The following TSHR variants were observed in gnomAD, a reference collection of about 807,000 sequenced individuals.
TSHR encodes the protein thyroid stimulating hormone receptor.
TSHR carries 51 observed loss-of-function variants against 64.1 expected under a neutral mutation model. The observed-to-expected ratio is 0.80, with a 90% CI of 0.64 to 1.01. The LOEUF is 1.01. Among genes scored for constraint, TSHR ranks in the 50% least tolerant of loss-of-function variants. The pLI, the probability that TSHR is intolerant of heterozygous loss-of-function variation, is 0.00. For synonymous variants in TSHR, 361 were observed against 361.9 expected (o/e 1.00, Z 0.03); for missense variants, 877 against 942.8 (o/e 0.93, Z 0.91).
chr14:81,133,440 G>A (rs1891332163), intron 8 of TSHR, among the ~76,000 whole-genome samples: 1 of 152,118 alleles, frequency 6.6e-6, no homozygotes, highest in Non-Finnish European at 1.5e-5. Flanking sequence ...AGAGGTGATG[G>A]GTATGGCATG....
At chr14:81,116,046 G>A (rs1457643915) in intron 8 of TSHR, among the ~76,000 whole-genome samples, 2 of 152,040 alleles carry the variant, frequency 1.3e-5, no homozygotes, top group Admixed American at 6.6e-5. Context: ...AACATGGAAA[G>A]GAACAACCGG....
intron 1 of TSHR, among the ~76,000 whole-genome samples, chr14:81,011,223 C>CTTT (rs5810009): frequency 2.7e-4 from 40 of 150,602 alleles, no homozygotes; most frequent in South Asian, 1.3e-3. Context: ...TTTCTTCTTT[C>CTTT]TTTTTTTTTC....
chr14:80,990,913 A>C (rs28414437), intron 1 of TSHR, among the ~76,000 whole-genome samples: 59,304 of 152,024 alleles, frequency 0.39, 12,034 homozygotes, highest in East Asian at 0.62. Context: ...CCTCGGCCTC[A>C]CAAAATGCTG....
chr14:81,114,371 C>T (rs139003114), intron 8 of TSHR, among the ~76,000 whole-genome samples: 188 of 152,336 alleles, frequency 1.2e-3, no homozygotes, highest in African/African-American at 4.1e-3. Context: ...ACTCCAGAAG[C>T]GCAAGCGGTC....
intron 1 of TSHR, among the ~76,000 whole-genome samples, chr14:80,962,833 C>G (rs1887104555): frequency 6.6e-6 from 1 of 152,230 alleles, no homozygotes; most frequent in Non-Finnish European, 1.5e-5. Context: ...TTTTGCATTG[C>G]TACAATTATC....
intron 8 of TSHR, among the ~76,000 whole-genome samples, chr14:81,131,351 C>A (rs1280020452): frequency 1.3e-5 from 2 of 152,198 alleles, no homozygotes; most frequent in African/African-American, 4.8e-5. Context: ...CTCCCTGTTT[C>A]CACGCCTTAC....
chr14:81,090,766 A>C (rs192772886), intron 4 of TSHR, among the ~76,000 whole-genome samples: 33 of 152,054 alleles, frequency 2.2e-4, no homozygotes, highest in African/African-American at 6.8e-4. Flanking sequence ...CACACACACG[A>C]AAACTGAATT....
chr14:81,007,728 C>T (rs1416869711), intron 1 of TSHR, among the ~76,000 whole-genome samples: 1 of 152,174 alleles, frequency 6.6e-6, no homozygotes, highest in Non-Finnish European at 1.5e-5. Context: ...ATTTGTAAAA[C>T]AGCAGGACTG....
chr14:81,050,723 A>G (rs892654636), intron 1 of TSHR: 1 of 152,210 alleles, frequency 6.6e-6, no homozygotes, highest in Admixed American at 6.5e-5. Flanking sequence ...ATATCTATTT[A>G]TGGGGTACAG....
chr14:80,993,144 G>A (rs1888832295), intron 1 of TSHR: 1 of 152,130 alleles, frequency 6.6e-6, no homozygotes, highest in Non-Finnish European at 1.5e-5. Flanking sequence ...TGTCCCAGTA[G>A]GCAAAACTTA....
chr14:81,043,567 C>T (rs1463542294), intron 1 of TSHR, among the ~76,000 whole-genome samples: 2 of 152,130 alleles, frequency 1.3e-5, no homozygotes, highest in Non-Finnish European at 2.9e-5. Context: ...ACATGCTACA[C>T]AGAATTAGAA....
In TSHR at chr14:80,991,589, C is replaced by T. The variant is rs533640937; in HGVS notation, c.170+35739C>T. The T allele has an allele frequency of 3.7e-4, 146 of 398,360 alleles. No individual in the cohort carries two copies. Among genetic ancestry groups the T allele is most frequent in the Non-Finnish European group, 5.4e-4 (121 of 226,036 alleles). The allele number at this position is 398,360 out of a possible 1,614,324, so 24.7% of individuals were successfully genotyped here. A position where few individuals can be genotyped will look rare whatever the true frequency, so the allele number is the denominator to read the frequency against. On this transcript the variant is annotated intron_variant, in intron 1 of 9. Coordinates refer to ENST00000298171, the MANE Select transcript of TSHR (RefSeq NM_000369.5). ...AAGTCTGGGAATTGGAGATAAAATT[C>T]AACATTGAAGGAGACATTTTAAATC...
At chr14:81,141,048 C>T (rs1891662714) in intron 9 of TSHR, among the ~76,000 whole-genome samples, 1 of 152,252 alleles carries the variant, frequency 6.6e-6, no homozygotes, top group South Asian at 2.1e-4. Flanking sequence ...ATTGCTTGAA[C>T]CCGGTAGGCG....
Position 81,145,898 on chromosome 14 carries a change from A to G in TSHR, c.*1545A>G, listed in dbSNP as rs1232022685. ...CTTCTGAATGCTCATAAACCACACC[A>G]TGAAATAAAAGCTCTTTGTTGTTTT... On this transcript the variant is annotated 3_prime_UTR_variant, in exon 10 of 10. Transcript: ENST00000298171. The G allele has an allele frequency of 1.3e-5, 3 of 232,410 alleles. No individual in the cohort carries two copies. Among genetic ancestry groups the G allele is most frequent in the Non-Finnish European group, 2.6e-5 (3 of 117,620 alleles). 14.4% of individuals were successfully genotyped at this position (232,410 alleles called of 1,614,324 possible). A position where few individuals can be genotyped will look rare whatever the true frequency, so the allele number is the denominator to read the frequency against.
intron 6 of TSHR, among the ~76,000 whole-genome samples, chr14:81,095,842 C>A (rs187872640): frequency 1.3e-5 from 2 of 152,152 alleles, no homozygotes; most frequent in African/African-American, 4.8e-5. Context: ...TGAGCCCAGA[C>A]TAGCCTGGGC....
chr14:81,074,219 A>C (rs1394463973), intron 3 of TSHR, among the ~76,000 whole-genome samples: 1 of 152,186 alleles, frequency 6.6e-6, no homozygotes, highest in Non-Finnish European at 1.5e-5. Flanking sequence ...TTGAGAGTCT[A>C]ATATCTTAAA....
chr14:80,981,458 T>A (rs1336777142), intron 1 of TSHR, among the ~76,000 whole-genome samples: 1 of 152,010 alleles, frequency 6.6e-6, no homozygotes, highest in Non-Finnish European at 1.5e-5. Flanking sequence ...GAGGAGAGGA[T>A]GGGAGGCTGA....
At chr14:80,999,079 A>T (rs983919061) in intron 1 of TSHR, among the ~76,000 whole-genome samples, 40 of 152,192 alleles carry the variant, frequency 2.6e-4, no homozygotes, top group African/African-American at 8.2e-4. Flanking sequence ...GGCAGTAGTT[A>T]TTATAATTTC....
At chr14:81,031,850 C>A (rs1353006433) in intron 1 of TSHR, among the ~76,000 whole-genome samples, 1 of 152,176 alleles carries the variant, frequency 6.6e-6, no homozygotes, top group Non-Finnish European at 1.5e-5. Context: ...AGAACCAAAG[C>A]CAATGCACTC....
Sources: gnomAD v4.1 joint callset for allele counts (sites outside exome capture counted in the v4.1 genomes callset) on GRCh38, gnomAD v4.1.1 for gene constraint, MANE v1.5 for transcripts, NCBI Gene and HGNC (gene_info 2026-07-23, HGNC 2026-07-21) for gene names.